NLGN4Y: variants seen among roughly 807,000 people sequenced by gnomAD.
The protein encoded by NLGN4Y is neuroligin 4 Y-linked.
A neutral mutation model predicts 8.4 loss-of-function variants in NLGN4Y; 4 were observed. The ratio of observed to expected loss-of-function variants is 0.48; its 90% CI spans 0.23 to 1.09. NLGN4Y has a LOEUF of 1.09. NLGN4Y is among the 50% of genes least tolerant of loss of function. The pLI, the probability that NLGN4Y is intolerant of heterozygous loss-of-function variation, is 0.19. For missense variants in NLGN4Y, 90 were observed against 192.3 expected, an observed-to-expected ratio of 0.47 and a Z score of 3.15; for synonymous variants, 35 against 75.6, an observed-to-expected ratio of 0.46 and a Z score of 2.78.
At chrY:14,605,687 C>T (rs530615022) in intron 1 of NLGN4Y, among the ~76,000 whole-genome samples, 8 of 32,585 alleles carry the variant, frequency 2.5e-4, no homozygotes, top group African/African-American at 9.6e-4. Context: ...TTATGAACAG[C>T]CTTTCTGACT....
chrY:14,669,133 A>T (rs998795383), intron 2 of NLGN4Y, among the ~76,000 whole-genome samples: 1 of 33,794 alleles, frequency 3.0e-5, no homozygotes, highest in Non-Finnish European at 7.3e-5. Context: ...CATTCTCTGT[A>T]TACATTTTGT....
At chrY:14,594,160 AT>A (rs2080385730) in intron 1 of NLGN4Y, among the ~76,000 whole-genome samples, 2 of 32,723 alleles carry the variant, frequency 6.1e-5, no homozygotes, top group Non-Finnish European at 1.5e-4. Flanking sequence ...CTGGTCATCA[AT>A]AGTTAAACAT....
At chrY:14,563,628 C>A in intron 1 of NLGN4Y, among the ~76,000 whole-genome samples, 1 of 33,308 alleles carries the variant, frequency 3.0e-5, no homozygotes. Flanking sequence ...ACCAGCTTCT[C>A]TTTGTACCTC....
Position 14,672,386 on chromosome Y carries a change from G to A in NLGN4Y, c.473-47073G>A, listed in dbSNP as rs1603502355. ...AAAAATACAAAAAAATTAGCCAGGC[G>A]TGGTGGCGGGCACCTGTAGTCCCAG... On this transcript the variant is annotated intron_variant, in intron 2 of 6. Transcript: ENST00000684976. Among the ~76,000 whole-genome samples the A allele has an allele frequency of 2.0e-4, 6 of 30,539 alleles. No individual in the cohort carries two copies. In the East Asian group the frequency reaches 3.4e-3, roughly 17 times the overall value. The allele number at this position is 30,539 out of a possible 37,273, so 81.9% of individuals were successfully genotyped here. A position where few individuals can be genotyped will look rare whatever the true frequency, so the allele number is the denominator to read the frequency against.
intron 2 of NLGN4Y, among the ~76,000 whole-genome samples, chrY:14,624,086 A>G (rs2080520341): frequency 3.0e-5 from 1 of 33,846 alleles, no homozygotes; most frequent in African/African-American, 1.2e-4. Context: ...TTGAGCAGCC[A>G]CCTGGGTTGA....
intron 4 of NLGN4Y, among the ~76,000 whole-genome samples, chrY:14,764,521 T>C (rs2150571447): frequency 3.0e-5 from 1 of 33,862 alleles, no homozygotes; most frequent in South Asian, 6.5e-4. Context: ...AATTTCTGTC[T>C]TAGGTCATTC....
intron 1 of NLGN4Y, among the ~76,000 whole-genome samples, chrY:14,540,469 C>G: frequency 6.0e-5 from 2 of 33,256 alleles, no homozygotes; most frequent in Non-Finnish European, 1.5e-4. Context: ...AGTGTTCAAG[C>G]TCTGCTAAGG....
intron 2 of NLGN4Y, among the ~76,000 whole-genome samples, chrY:14,631,954 C>T (rs2150512034): frequency 3.0e-5 from 1 of 33,777 alleles, no homozygotes; most frequent in South Asian, 6.6e-4. Flanking sequence ...AGTGACTCAG[C>T]TTTCATGGGA....
intron 2 of NLGN4Y, among the ~76,000 whole-genome samples, chrY:14,623,909 C>T: frequency 3.0e-5 from 1 of 33,339 alleles, no homozygotes; most frequent in Non-Finnish European, 7.4e-5. Flanking sequence ...GGTGACAGAT[C>T]TCCCAATCAT....
At chrY:14,643,366 C>CT (rs2080598283) in intron 2 of NLGN4Y, among the ~76,000 whole-genome samples, 43 of 32,078 alleles carry the variant, frequency 1.3e-3, no homozygotes, top group African/African-American at 4.8e-3. Flanking sequence ...TAGGATGTTT[C>CT]TTTTTTTTTA....
At chrY:14,586,844 A>G in intron 1 of NLGN4Y, among the ~76,000 whole-genome samples, 2 of 32,765 alleles carry the variant, frequency 6.1e-5, no homozygotes, top group Non-Finnish European at 1.5e-4. Context: ...GAAACAAAGA[A>G]ACAAAAACAA....
At chrY:14,570,957 G>T (rs2080267093) in intron 1 of NLGN4Y, among the ~76,000 whole-genome samples, 1 of 32,727 alleles carries the variant, frequency 3.1e-5, no homozygotes, top group Admixed American at 2.8e-4. Context: ...ATAGTATTCA[G>T]GGGTGTATAT....
chrY:14,761,649 A>G, intron 4 of NLGN4Y, among the ~76,000 whole-genome samples: 1 of 33,832 alleles, frequency 3.0e-5, no homozygotes, highest in African/African-American at 1.2e-4. Context: ...GAAAAAGACC[A>G]TGCTGATCTT....
At chrY:14,601,096 T>C in intron 1 of NLGN4Y, among the ~76,000 whole-genome samples, 1 of 31,547 alleles carries the variant, frequency 3.2e-5, no homozygotes, top group Non-Finnish European at 7.7e-5. Flanking sequence ...TTTTTCTTTT[T>C]TTCTTTTTCT....
intron 2 of NLGN4Y, among the ~76,000 whole-genome samples, chrY:14,702,540 T>C: frequency 3.0e-5 from 1 of 33,455 alleles, no homozygotes; most frequent in African/African-American, 1.2e-4. Context: ...ATGTGCCACA[T>C]TTTCTTAATC....
At chrY:14,802,585 A>G (rs2043036905) in intron 4 of NLGN4Y, among the ~76,000 whole-genome samples, 1 of 27,159 alleles carries the variant, frequency 3.7e-5, no homozygotes, top group African/African-American at 1.4e-4. Context: ...ATATATAATT[A>G]TAAAAAATTA....
chrY:14,526,236 G>A (rs2080093442), intron 1 of NLGN4Y, among the ~76,000 whole-genome samples: 1 of 33,391 alleles, frequency 3.0e-5, no homozygotes, highest in East Asian at 7.7e-4. Context: ...GAAGATGTTA[G>A]CAGTAATCCA....
chrY:14,597,338 G>A, intron 1 of NLGN4Y, among the ~76,000 whole-genome samples: 6 of 32,569 alleles, frequency 1.8e-4, no homozygotes, highest in African/African-American at 7.2e-4. Flanking sequence ...TGTGGAAGAG[G>A]ACCGGAGCGA....
rs778715389 is a variant in NLGN4Y, at chrY:14,804,474, T to G, written c.686-19714T>G. ...TGCCAGCTAGGCTTATGAAAAGTTT[T>G]CTTACATAGAACACAAAATACAAGA... On this transcript the variant is annotated intron_variant, in intron 4 of 6. Transcript: ENST00000684976. 8.9e-5 allele frequency among the ~76,000 whole-genome samples: 3 copies of G among 33,635 alleles called. No homozygotes were observed. The East Asian group carries it at 2.3e-3, about 26-fold the overall frequency. 90.2% of individuals were successfully genotyped at this position (33,635 alleles called of 37,273 possible). A position where few individuals can be genotyped will look rare whatever the true frequency, so the allele number is the denominator to read the frequency against.
Sources: allele counts gnomAD v4.1 joint callset (sites outside exome capture counted in the v4.1 genomes callset), GRCh38; gene constraint gnomAD v4.1.1; transcripts MANE v1.5; gene names NCBI Gene and HGNC (gene_info 2026-07-23, HGNC 2026-07-21).